Variants in UQCC1 observed in about 807,000 individuals in gnomAD.
UQCC1 encodes the protein bFGF-repressed Zic-binding protein.
UQCC1 carries 38 observed loss-of-function variants against 48.0 expected under a neutral mutation model. That is an observed-to-expected ratio of 0.79 (90% CI 0.61 to 1.04). The LOEUF (loss-of-function observed/expected upper bound fraction) is 1.04, where lower values mean the gene tolerates loss of function less well. Ranked by LOEUF, UQCC1 falls within the 50% of genes least tolerant of loss-of-function variation. The probability of loss-of-function intolerance (pLI) is 0.00; values close to 1 mark genes in which losing one functional copy is unlikely to be tolerated. For synonymous variants in UQCC1, 111 were observed against 129.2 expected (o/e 0.86, Z 0.95); for missense variants, 368 against 381.8 (o/e 0.96, Z 0.30).
At chr20:35,403,336 T>C (rs1233139689) in intron 1 of UQCC1, among the ~76,000 whole-genome samples, 1 of 152,182 alleles carries the variant, frequency 6.6e-6, no homozygotes, top group African/African-American at 2.4e-5. Flanking sequence ...TGCATGTTTA[T>C]GTGTATATAT....
At chr20:35,373,034 C>T (rs1305967871) in intron 5 of UQCC1, among the ~76,000 whole-genome samples, 1 of 152,154 alleles carries the variant, frequency 6.6e-6, no homozygotes, top group African/African-American at 2.4e-5. Context: ...GTGACTATTA[C>T]CACAGAAGTA....
chr20:35,375,459 T>C (rs545513163), intron 4 of UQCC1, among the ~76,000 whole-genome samples: 9 of 152,126 alleles, frequency 5.9e-5, no homozygotes, highest in East Asian at 3.9e-4. Context: ...CAGGGGAAAA[T>C]AGGACATATA....
intron 4 of UQCC1, 97 bp from the exon 5 acceptor site, chr20:35,374,353 G>T: frequency 1.0e-6 from 1 of 955,998 alleles, no homozygotes; most frequent in Non-Finnish European, 1.6e-6. Context: ...TCTTCAACTA[G>T]AAGGAAGGGT....
chr20:35,405,190 A>C (rs2062233648), intron 1 of UQCC1, among the ~76,000 whole-genome samples: 1 of 152,222 alleles, frequency 6.6e-6, no homozygotes, highest in Non-Finnish European at 1.5e-5. Flanking sequence ...CACTGCTTCC[A>C]GGCAGTGAGA....
chr20:35,361,382 A>G (rs754641852), intron 6 of UQCC1, among the ~76,000 whole-genome samples: 30 of 152,016 alleles, frequency 2.0e-4, no homozygotes, highest in Non-Finnish European at 4.1e-4. Flanking sequence ...TGAGGTTCCC[A>G]GCTTCTCCCA....
chr20:35,336,161 G>A (rs1022920768), intron 7 of UQCC1, among the ~76,000 whole-genome samples: 1 of 152,212 alleles, frequency 6.6e-6, no homozygotes, highest in Non-Finnish European at 1.5e-5. Context: ...TTTTAGTTTC[G>A]TACAGAGTAG....
intron 3 of UQCC1, among the ~76,000 whole-genome samples, chr20:35,383,024 A>G (rs1182485485): frequency 6.6e-6 from 1 of 152,196 alleles, no homozygotes; most frequent in Non-Finnish European, 1.5e-5. Context: ...CCATCTCCCA[A>G]GAACAATTCT....
At chr20:35,338,793 T>C (rs1180216029) in intron 7 of UQCC1, among the ~76,000 whole-genome samples, 4 of 132,384 alleles carry the variant, frequency 3.0e-5, no homozygotes, top group Non-Finnish European at 6.1e-5. Flanking sequence ...TGCAGTGAGC[T>C]GAGACCACAC....
At chr20:35,306,825 C>T (rs765775971) in intron 8 of UQCC1, 46 bp from the exon 9 acceptor site, 19 of 1,448,392 alleles carry the variant, frequency 1.3e-5, no homozygotes, top group Non-Finnish European at 1.7e-5. Context: ...ATCCACAGAG[C>T]CAGGACACAG....
chr20:35,338,886 A>ATATATAT (rs1448648931), intron 7 of UQCC1, among the ~76,000 whole-genome samples: 1 of 56,736 alleles, frequency 1.8e-5, no homozygotes, highest in African/African-American at 2.4e-4. Flanking sequence ...AAAAAAAAAA[A>ATATATAT]AAAAAAATAT....
chr20:35,390,701 C>G (rs1468944585), intron 2 of UQCC1, among the ~76,000 whole-genome samples: 1 of 151,756 alleles, frequency 6.6e-6, no homozygotes, highest in Non-Finnish European at 1.5e-5. Flanking sequence ...CCAAGTATCT[C>G]CTGACAAGAT....
intron 7 of UQCC1, among the ~76,000 whole-genome samples, chr20:35,341,011 C>T (rs572953315): frequency 6.6e-6 from 1 of 152,050 alleles, no homozygotes; most frequent in South Asian, 2.1e-4. Flanking sequence ...GGCGGATCAC[C>T]TGAGGTCAGG....
intron 1 of UQCC1, among the ~76,000 whole-genome samples, chr20:35,398,584 G>C (rs1211819248): frequency 6.6e-6 from 1 of 152,100 alleles, no homozygotes; most frequent in Non-Finnish European, 1.5e-5. Context: ...TATTTTATTT[G>C]AGCTGTGGTT....
chr20:35,305,336 G>A (rs1410388614), intron 9 of UQCC1, among the ~76,000 whole-genome samples: 4 of 152,208 alleles, frequency 2.6e-5, no homozygotes, highest in African/African-American at 9.6e-5. Flanking sequence ...TCTCACTGGG[G>A]CCACATGGGA....
chr20:35,375,581 C>T (rs1006694282), intron 4 of UQCC1, among the ~76,000 whole-genome samples: 5 of 151,980 alleles, frequency 3.3e-5, no homozygotes, highest in Non-Finnish European at 7.4e-5. Context: ...GCAAATTAAA[C>T]CTAAAAGCAA....
intron 7 of UQCC1, among the ~76,000 whole-genome samples, chr20:35,332,236 T>G (rs1037208750): frequency 6.6e-6 from 1 of 152,212 alleles, no homozygotes; most frequent in African/African-American, 2.4e-5. Context: ...TGTATGTGCA[T>G]GTACTAACTG....
At chr20:35,372,258 G>T (rs1160272788) in intron 5 of UQCC1, among the ~76,000 whole-genome samples, 1 of 149,688 alleles carries the variant, frequency 6.7e-6, no homozygotes, top group African/African-American at 2.5e-5. Context: ...GCAGTGAGCC[G>T]AGATCACACC....
intron 6 of UQCC1, among the ~76,000 whole-genome samples, chr20:35,348,567 T>G (rs1350806625): frequency 1.3e-5 from 2 of 152,176 alleles, no homozygotes; most frequent in African/African-American, 2.4e-5. Context: ...TGTTTTTGTA[T>G]TTTTAATAGA....
intron 5 of UQCC1, among the ~76,000 whole-genome samples, chr20:35,368,571 G>C (rs922643994): frequency 3.3e-5 from 5 of 152,104 alleles, no homozygotes; most frequent in African/African-American, 1.2e-4. Context: ...CTGCATACCA[G>C]ATCTACTGCA....
Sources: allele counts gnomAD v4.1 joint callset (sites outside exome capture counted in the v4.1 genomes callset), GRCh38; gene constraint gnomAD v4.1.1; transcripts MANE v1.5; gene names NCBI Gene and HGNC (gene_info 2026-07-23, HGNC 2026-07-21).